The following KIAA0319L variants were observed in gnomAD, a reference collection of about 807,000 sequenced individuals.
KIAA0319L encodes dyslexia-associated protein KIAA0319-like protein.
KIAA0319L carries 55 observed loss-of-function variants against 120.1 expected under a neutral mutation model. The observed-to-expected ratio is 0.46, with a 90% CI of 0.37 to 0.57. The LOEUF (loss-of-function observed/expected upper bound fraction) is 0.57. Among genes scored for constraint, KIAA0319L ranks in the 20% least tolerant of loss-of-function variants. The pLI, the probability that KIAA0319L is intolerant of heterozygous loss-of-function variation, is 0.00. For synonymous variants in KIAA0319L, 398 were observed against 471.9 expected (o/e 0.84, Z 2.03); for missense variants, 1,049 against 1,255.3 (o/e 0.84, Z 2.48).
intron 2 of KIAA0319L, among the ~76,000 whole-genome samples, chr1:35,546,825 G>A (rs1284071323): frequency 6.6e-6 from 1 of 151,954 alleles, no homozygotes; most frequent in African/African-American, 2.4e-5. Context: ...AATAACAAGT[G>A]TTGGCAAGGA....
intron 3 of KIAA0319L, among the ~76,000 whole-genome samples, chr1:35,496,928 C>A: frequency 9.0e-6 from 1 of 111,476 alleles, no homozygotes. Context: ...GCCTGAGCAA[C>A]AGAGTGAGAT....
chr1:35,484,794 ATATATATATATATTTT>A (rs1357837791), intron 3 of KIAA0319L, among the ~76,000 whole-genome samples: 1 of 43,902 alleles, frequency 2.3e-5, no homozygotes, highest in African/African-American at 1.2e-4. Flanking sequence ...ATATATATAT[ATATATATATATATTTT>A]TTTTTTTATT....
chr1:35,489,446 C>T (rs1417851277), intron 3 of KIAA0319L, among the ~76,000 whole-genome samples: 1 of 152,044 alleles, frequency 6.6e-6, no homozygotes. Context: ...GTTTTTGAGC[C>T]ATGGCACAGG....
At chr1:35,531,322 G>A (rs770348626) in intron 2 of KIAA0319L, among the ~76,000 whole-genome samples, 1 of 152,232 alleles carries the variant, frequency 6.6e-6, no homozygotes, top group Non-Finnish European at 1.5e-5. Flanking sequence ...AGGACATTGT[G>A]TGGACCCTGT....
At chr1:35,516,270 T>A (rs1371257220) in intron 2 of KIAA0319L, among the ~76,000 whole-genome samples, 3 of 152,120 alleles carry the variant, frequency 2.0e-5, no homozygotes, top group Non-Finnish European at 2.9e-5. Context: ...CAGGCCAATA[T>A]CCTTGATGCA....
At chr1:35,480,706 CG>C (rs1393010939) in intron 3 of KIAA0319L, among the ~76,000 whole-genome samples, 1 of 151,804 alleles carries the variant, frequency 6.6e-6, no homozygotes, top group Non-Finnish European at 1.5e-5. Flanking sequence ...CACTTGAACC[CG>C]AGAGGAGGCG....
chr1:35,483,843 G>A (rs1269328955), intron 3 of KIAA0319L, among the ~76,000 whole-genome samples: 1 of 152,164 alleles, frequency 6.6e-6, no homozygotes, highest in African/African-American at 2.4e-5. Flanking sequence ...GGTGTTGGCA[G>A]GGCCATACTG....
intron 3 of KIAA0319L, among the ~76,000 whole-genome samples, chr1:35,486,254 C>A (rs915384695): frequency 6.6e-6 from 1 of 151,546 alleles, no homozygotes. Context: ...CGTGGTGGTG[C>A]GCACTTGTAA....
intron 2 of KIAA0319L, among the ~76,000 whole-genome samples, chr1:35,547,987 G>A (rs576305447): frequency 2.1e-4 from 32 of 152,078 alleles, no homozygotes; most frequent in African/African-American, 7.7e-4. Context: ...CAGGTGTGGT[G>A]GTGCACCCCT....
At chr1:35,492,942 T>G (rs1011476985) in intron 3 of KIAA0319L, among the ~76,000 whole-genome samples, 1 of 152,190 alleles carries the variant, frequency 6.6e-6, no homozygotes, top group Non-Finnish European at 1.5e-5. Context: ...GAAGATTGCT[T>G]GAAGCCAGGA....
intron 15 of KIAA0319L, among the ~76,000 whole-genome samples, chr1:35,448,815 G>A (rs948338725): frequency 1.3e-5 from 2 of 152,148 alleles, no homozygotes; most frequent in South Asian, 2.1e-4. Flanking sequence ...GAATGCATCC[G>A]TCCCTCCAGG....
intron 9 of KIAA0319L, among the ~76,000 whole-genome samples, chr1:35,456,928 G>T (rs1570665879): frequency 6.8e-6 from 1 of 147,294 alleles, no homozygotes; most frequent in Admixed American, 6.7e-5. Flanking sequence ...AGGAAGGAAG[G>T]AAGGAAGGAA....
chr1:35,497,545 T>C (rs1261818818), intron 3 of KIAA0319L, among the ~76,000 whole-genome samples: 1 of 152,200 alleles, frequency 6.6e-6, no homozygotes, highest in Non-Finnish European at 1.5e-5. Flanking sequence ...GTGATGGTTT[T>C]ATAGACATAG....
At chr1:35,523,525 G>C (rs1011148983) in intron 2 of KIAA0319L, among the ~76,000 whole-genome samples, 1 of 152,224 alleles carries the variant, frequency 6.6e-6, no homozygotes, top group African/African-American at 2.4e-5. Context: ...AAGACATCCA[G>C]GTTGATGATG....
At position 35,444,364 on chromosome 1, in the gene KIAA0319L, A is replaced by G. The variant is rs1641461454; in HGVS notation, c.2514-61T>C. 8 of 1,463,092 alleles carry G rather than the reference A, an allele frequency of 5.5e-6. No individual in the cohort carries two copies. In the South Asian group the frequency reaches 1.1e-4, roughly 20 times the overall value. The allele number at this position is 1,463,092 out of a possible 1,614,324, so 90.6% of individuals were successfully genotyped here. On this transcript the variant is annotated intron_variant, in intron 16 of 20. Coordinates refer to ENST00000325722, the MANE Select transcript of KIAA0319L (RefSeq NM_024874.5). ...CGGTCCATACCTGCAGCAACAGCTA[A>G]CATTTACTAAGTACCTTCTGTTTGT...
chr1:35,507,238 G>T, intron 2 of KIAA0319L, 103 bp from the exon 3 acceptor site: 1 of 1,177,356 alleles, frequency 8.5e-7, no homozygotes, highest in Non-Finnish European at 1.2e-6. Flanking sequence ...TTGAAGACGA[G>T]TTTTTAAGAG....
intron 2 of KIAA0319L, among the ~76,000 whole-genome samples, chr1:35,507,908 T>C (rs1645265329): frequency 6.6e-6 from 1 of 152,228 alleles, no homozygotes; most frequent in Admixed American, 6.5e-5. Context: ...TTCTGGCTAA[T>C]GTTGCTGATG....
At chr1:35,547,430 G>A (rs940721203) in intron 2 of KIAA0319L, among the ~76,000 whole-genome samples, 1 of 151,504 alleles carries the variant, frequency 6.6e-6, no homozygotes, top group Non-Finnish European at 1.5e-5. Flanking sequence ...ACACAAAAAT[G>A]TATACATAAA....
At chr1:35,455,965 A>G (rs376114377) in intron 10 of KIAA0319L, 48 bp downstream of exon 10, 16 of 1,395,600 alleles carry the variant, frequency 1.1e-5, no homozygotes, top group African/African-American at 1.4e-5. Flanking sequence ...GCAGTCCAGC[A>G]GCTCTACTTC....
Sources: allele counts gnomAD v4.1 joint callset (sites outside exome capture counted in the v4.1 genomes callset), GRCh38; gene constraint gnomAD v4.1.1; transcripts MANE v1.5; gene names NCBI Gene and HGNC (gene_info 2026-07-23, HGNC 2026-07-21).